RBFOX2: variants seen among roughly 807,000 people sequenced by gnomAD.
The protein encoded by RBFOX2 is RNA binding fox-1 homolog 2, also known as RNA binding protein fox-1 homolog 2.
Under a neutral mutation model 49.1 loss-of-function variants are expected in RBFOX2, and 10 were observed. The ratio of observed to expected loss-of-function variants is 0.20; its 90% CI spans 0.13 to 0.35. RBFOX2 has a LOEUF of 0.35. RBFOX2 is among the 10% of genes least tolerant of loss of function. The pLI, the probability that RBFOX2 is intolerant of heterozygous loss-of-function variation, is 1.00. For missense variants in RBFOX2, 323 were observed against 486.9 expected, an observed-to-expected ratio of 0.66 and a Z score of 3.17; for synonymous variants, 183 against 187.4, an observed-to-expected ratio of 0.98 and a Z score of 0.19.
At chr22:35,898,315 G>A (rs1441755385) in intron 1 of RBFOX2, 4 of 733,826 alleles carry the variant, frequency 5.5e-6, no homozygotes, top group African/African-American at 3.5e-5. Flanking sequence ...AATGGAGTGG[G>A]CTGTGACACA....
At chr22:35,770,987 A>C (rs1942514762) in intron 4 of RBFOX2, among the ~76,000 whole-genome samples, 1 of 152,194 alleles carries the variant, frequency 6.6e-6, no homozygotes, top group South Asian at 2.1e-4. Context: ...AGGAGGAAGA[A>C]AGCCTTGTTG....
At chr22:35,904,227 G>A (rs1469622291) in intron 1 of RBFOX2, among the ~76,000 whole-genome samples, 4 of 151,942 alleles carry the variant, frequency 2.6e-5, no homozygotes, top group African/African-American at 7.3e-5. Flanking sequence ...TCTAGTTGGA[G>A]GTCTTTCCCC....
chr22:35,801,451 T>A lies in RBFOX2; in HGVS notation c.252+8329A>T, dbSNP rs981488767. On this transcript the variant is annotated intron_variant, in intron 2 of 11. Coordinates refer to ENST00000405409, the Ensembl canonical transcript of RBFOX2. Reference sequence around the variant, plus strand: ...CATACACACACACACACACACACTCTCTCTCTCTCTCTCTCTCCCTCCCCC... The same window carrying A: ...CATACACACACACACACACACACTCACTCTCTCTCTCTCTCTCCCTCCCCC... 1.0e-4 allele frequency among the ~76,000 whole-genome samples: 15 copies of A among 148,436 alleles called. No homozygotes were observed. In the South Asian group the frequency reaches 1.3e-3, roughly 13 times the overall value.
At chr22:35,835,731 C>T (rs926625455) in intron 1 of RBFOX2, among the ~76,000 whole-genome samples, 12 of 152,056 alleles carry the variant, frequency 7.9e-5, no homozygotes, top group East Asian at 7.7e-4. Flanking sequence ...GTGACTAAGA[C>T]GGAAAAAACA....
intron 4 of RBFOX2, among the ~76,000 whole-genome samples, chr22:35,773,835 G>A (rs1355653309): frequency 1.3e-5 from 2 of 152,040 alleles, no homozygotes; most frequent in African/African-American, 4.8e-5. Flanking sequence ...TTGGATGATG[G>A]TGAGTAAGAT....
At chr22:35,762,843 G>C (rs1939449530) in intron 6 of RBFOX2, among the ~76,000 whole-genome samples, 1 of 152,122 alleles carries the variant, frequency 6.6e-6, no homozygotes, top group Admixed American at 6.5e-5. Flanking sequence ...GAAATTACCA[G>C]ATTTAAATGA....
chr22:35,760,602 A>G (rs1938457345), intron 8 of RBFOX2, among the ~76,000 whole-genome samples: 1 of 152,202 alleles, frequency 6.6e-6, no homozygotes, highest in Non-Finnish European at 1.5e-5. Context: ...AAGGTGAGGG[A>G]AACAACTCCT....
chr22:35,906,010 T>C (rs925281000), intron 1 of RBFOX2, among the ~76,000 whole-genome samples: 6 of 152,184 alleles, frequency 3.9e-5, no homozygotes, highest in African/African-American at 1.2e-4. Flanking sequence ...GTACCATATA[T>C]AATATATAGT....
chr22:35,769,852 T>A (rs756079651), intron 4 of RBFOX2, among the ~76,000 whole-genome samples: 10 of 152,204 alleles, frequency 6.6e-5, no homozygotes, highest in Non-Finnish European at 1.3e-4. Context: ...AGTGATTATG[T>A]GGGTGGGTGG....
intron 1 of RBFOX2, chr22:35,995,631 T>A (rs185631216): frequency 1.3e-5 from 2 of 153,972 alleles, no homozygotes; most frequent in East Asian, 3.8e-4. Context: ...TAAAAGCATG[T>A]GGCACCTCCC....
At chr22:35,778,793 C>T (rs1849058291) in intron 3 of RBFOX2, among the ~76,000 whole-genome samples, 1 of 152,102 alleles carries the variant, frequency 6.6e-6, no homozygotes, top group Admixed American at 6.6e-5. Context: ...CCTGCCACCA[C>T]GTCCAGCTAA....
At chr22:35,863,916 A>AT (rs1311472770) in intron 1 of RBFOX2, among the ~76,000 whole-genome samples, 1 of 152,186 alleles carries the variant, frequency 6.6e-6, no homozygotes, top group African/African-American at 2.4e-5. Context: ...CAAAGCATGC[A>AT]TATATACAAT....
chr22:35,820,827 T>C (rs986043916), intron 1 of RBFOX2, among the ~76,000 whole-genome samples: 1 of 152,124 alleles, frequency 6.6e-6, no homozygotes, highest in Non-Finnish European at 1.5e-5. Flanking sequence ...AAAGGTGATA[T>C]GAGGTAGGGA....
intron 1 of RBFOX2, among the ~76,000 whole-genome samples, chr22:35,871,376 T>C (rs2044336316): frequency 6.6e-6 from 1 of 152,094 alleles, no homozygotes; most frequent in East Asian, 1.9e-4. Flanking sequence ...TGAAAAACAG[T>C]TCAGAGGAGC....
rs574272113 is a variant in RBFOX2 at position 35,780,269 on chromosome 22, G to A, written c.399+1331C>T. Reference sequence around the variant, plus strand: ...AATTTTGCCCCAGTGTCTTGTCACCGTGAAGTGGCCACAACCAAGACTTAA... The same window carrying A: ...AATTTTGCCCCAGTGTCTTGTCACCATGAAGTGGCCACAACCAAGACTTAA... On this transcript the variant is annotated intron_variant, in intron 3 of 11. Transcript: ENST00000405409. Among the ~76,000 whole-genome samples, 27 of 151,782 alleles carry A rather than the reference G, an allele frequency of 1.8e-4. No individual in the cohort carries two copies. In the South Asian group the frequency reaches 2.5e-3, roughly 14 times the overall value.
chr22:35,746,431 G>C, intron 10 of RBFOX2, 42 bp downstream of exon 12: 1 of 1,455,238 alleles, frequency 6.9e-7, no homozygotes. Context: ...GGATGGAACA[G>C]CTCTCATGCA....
chr22:35,879,055 G>A (rs1385564847), intron 1 of RBFOX2, among the ~76,000 whole-genome samples: 1 of 152,172 alleles, frequency 6.6e-6, no homozygotes, highest in African/African-American at 2.4e-5. Context: ...ATAATATTTA[G>A]AAGATAAATG....
chr22:35,872,741 C>A (rs1224204883), intron 1 of RBFOX2, among the ~76,000 whole-genome samples: 3 of 152,318 alleles, frequency 2.0e-5, no homozygotes, highest in East Asian at 3.9e-4. Context: ...GTATCTTCTT[C>A]AGCTGGTGTT....
At chr22:35,826,848 T>C (rs1173714756) in intron 1 of RBFOX2, among the ~76,000 whole-genome samples, 3 of 152,104 alleles carry the variant, frequency 2.0e-5, no homozygotes, top group South Asian at 2.1e-4. Flanking sequence ...TATAACAATA[T>C]AGTGTAATAA....
Sources: allele counts gnomAD v4.1 joint callset (sites outside exome capture counted in the v4.1 genomes callset), GRCh38; gene constraint gnomAD v4.1.1; transcripts MANE v1.5; gene names NCBI Gene and HGNC (gene_info 2026-07-23, HGNC 2026-07-21).